The following UBE2N variants were observed in gnomAD, a reference collection of about 807,000 sequenced individuals.
UBE2N encodes ubiquitin-conjugating enzyme E2 N.
For synonymous variants in UBE2N, 70 were observed against 69.2 expected, an observed-to-expected ratio of 1.01 and a Z score of -0.06; for missense variants, 60 against 192.1, an observed-to-expected ratio of 0.31 and a Z score of 4.07.
intron 1 of UBE2N, among the ~76,000 whole-genome samples, chr12:93,426,231 TA>T (rs1565795803): frequency 6.6e-6 from 1 of 152,088 alleles, no homozygotes; most frequent in East Asian, 1.9e-4. Context: ...TGTATTACAA[TA>T]GAGTACGATG....
chr12:93,424,195 T>A (rs1878505300), intron 1 of UBE2N: 1 of 152,428 alleles, frequency 6.6e-6, no homozygotes, highest in African/African-American at 2.4e-5. Flanking sequence ...TTAAAAACCA[T>A]ACGGCATAAA....
chr12:93,419,479 G>A (rs1206075963), intron 1 of UBE2N, among the ~76,000 whole-genome samples: 1 of 151,616 alleles, frequency 6.6e-6, no homozygotes, highest in African/African-American at 2.4e-5. Flanking sequence ...ACACTCACAA[G>A]ATTGTGTTTG....
intron 1 of UBE2N, among the ~76,000 whole-genome samples, chr12:93,439,745 CTGTT>C (rs1182717135): frequency 2.6e-5 from 4 of 152,146 alleles, no homozygotes; most frequent in Non-Finnish European, 5.9e-5. Context: ...TTTTAGTCTT[CTGTT>C]TAAGGATTAG....
chr12:93,417,978 C>A lies in UBE2N; in HGVS notation c.31-6679G>T, dbSNP rs1273571808. Among the ~76,000 whole-genome samples, 3 of 152,198 alleles carry A rather than the reference C, an allele frequency of 2.0e-5. No individual in the cohort carries two copies. The East Asian group carries it at 5.8e-4, about 29-fold the overall frequency. ...TTATGAGAATCTGCAAGTTCACCCT[C>A]TATATATATAAGTGGGCATTTTTAT... On this transcript the variant is annotated intron_variant, in intron 1 of 3. Transcript: ENST00000318066.
At chr12:93,419,934 A>G (rs1878354379) in intron 1 of UBE2N, among the ~76,000 whole-genome samples, 1 of 152,200 alleles carries the variant, frequency 6.6e-6, no homozygotes, top group South Asian at 2.1e-4. Flanking sequence ...CTAACCACTT[A>G]GACTCCCCCA....
At chr12:93,419,335 A>G (rs1878328543) in intron 1 of UBE2N, among the ~76,000 whole-genome samples, 1 of 152,034 alleles carries the variant, frequency 6.6e-6, no homozygotes, top group Admixed American at 6.5e-5. Context: ...GGTTGCAGTG[A>G]GCCGAGATCG....
At chr12:93,417,222 AAT>A (rs1321589322) in intron 1 of UBE2N, among the ~76,000 whole-genome samples, 1 of 152,208 alleles carries the variant, frequency 6.6e-6, no homozygotes, top group Non-Finnish European at 1.5e-5. Context: ...AAAGGAATCA[AAT>A]ATCACATCAA....
chr12:93,411,376 T>C (rs1008327206), intron 1 of UBE2N, 77 bp from the exon 2 acceptor site: 8 of 1,526,306 alleles, frequency 5.2e-6, no homozygotes, highest in South Asian at 1.3e-5. Flanking sequence ...AGAAAGTTCA[T>C]CTCTTAGAAC....
intron 1 of UBE2N, among the ~76,000 whole-genome samples, chr12:93,414,356 G>A (rs186359013): frequency 3.9e-4 from 59 of 151,830 alleles, no homozygotes; most frequent in Non-Finnish European, 7.1e-4. Flanking sequence ...GGCTGAGGCA[G>A]GAGAATCGCT....
intron 1 of UBE2N, chr12:93,429,361 GA>G (rs1026450248): frequency 7.2e-5 from 29 of 404,150 alleles, no homozygotes; most frequent in Non-Finnish European, 1.1e-4. Context: ...GACTTACTGA[GA>G]AAAAAAATTC....
At chr12:93,432,663 T>C (rs1229030488) in intron 1 of UBE2N, among the ~76,000 whole-genome samples, 1 of 152,086 alleles carries the variant, frequency 6.6e-6, no homozygotes, top group African/African-American at 2.4e-5. Flanking sequence ...ACTTTCAAAA[T>C]ATAAATTCAT....
intron 1 of UBE2N, among the ~76,000 whole-genome samples, chr12:93,414,476 T>C (rs1878139461): frequency 7.0e-6 from 1 of 142,498 alleles, no homozygotes; most frequent in Admixed American, 7.0e-5. Context: ...AAAAAAGTCA[T>C]AGTCCTTGTA....
intron 1 of UBE2N, among the ~76,000 whole-genome samples, chr12:93,417,602 A>G (rs1253026045): frequency 1.3e-5 from 2 of 152,234 alleles, no homozygotes; most frequent in Non-Finnish European, 2.9e-5. Context: ...TCTGAAACAC[A>G]AAATTGCAAT....
chr12:93,413,460 AG>A (rs1380193379), intron 1 of UBE2N, among the ~76,000 whole-genome samples: 1 of 152,094 alleles, frequency 6.6e-6, no homozygotes, highest in Non-Finnish European at 1.5e-5. Flanking sequence ...ATTCATATCT[AG>A]CCCAGACCTC....
At chr12:93,420,113 G>A (rs61934303) in intron 1 of UBE2N, among the ~76,000 whole-genome samples, 18,085 of 152,198 alleles carry the variant, frequency 0.12, 1,151 homozygotes, top group Middle Eastern at 0.17. Context: ...AAGGAAAAAC[G>A]GAAGAAAAAT....
intron 1 of UBE2N, among the ~76,000 whole-genome samples, chr12:93,432,477 A>AC (rs1491215186): frequency 1.7e-5 from 2 of 118,896 alleles, no homozygotes; most frequent in Admixed American, 7.9e-5. Flanking sequence ...TAAGAGTCAC[A>AC]AAAAAAAAAA....
chr12:93,424,169 G>C (rs1878504522), intron 1 of UBE2N: 1 of 152,266 alleles, frequency 6.6e-6, no homozygotes, highest in Admixed American at 6.5e-5. Flanking sequence ...TTGATTTACA[G>C]ACAAATCAAT....
At chr12:93,437,397 G>C (rs1414829758) in intron 1 of UBE2N, among the ~76,000 whole-genome samples, 1 of 151,890 alleles carries the variant, frequency 6.6e-6, no homozygotes, top group Non-Finnish European at 1.5e-5. Flanking sequence ...ATACATAGGT[G>C]GTTAGAGGGG....
At chr12:93,437,732 T>C (rs1437287020) in intron 1 of UBE2N, among the ~76,000 whole-genome samples, 3 of 150,550 alleles carry the variant, frequency 2.0e-5, no homozygotes, top group Non-Finnish European at 4.4e-5. Context: ...GAGTTTGCAG[T>C]GAGCCAAAAT....
Sources: gnomAD v4.1 joint callset for allele counts (sites outside exome capture counted in the v4.1 genomes callset) on GRCh38, gnomAD v4.1.1 for gene constraint, MANE v1.5 for transcripts, NCBI Gene and HGNC (gene_info 2026-07-23, HGNC 2026-07-21) for gene names.